PADI2: variants seen among roughly 807,000 people sequenced by gnomAD.
PADI2 encodes protein-arginine deiminase type-2.
Under a neutral mutation model 81.1 loss-of-function variants are expected in PADI2, and 70 were observed. The observed-to-expected ratio is 0.86, with a 90% CI of 0.71 to 1.05. The LOEUF (loss-of-function observed/expected upper bound fraction) is 1.05. PADI2 is among the 50% of genes least tolerant of loss of function. PADI2 has a pLI of 0.00. For synonymous variants in PADI2, 338 were observed against 358.0 expected, an observed-to-expected ratio of 0.94 and a Z score of 0.63; for missense variants, 853 against 889.9, an observed-to-expected ratio of 0.96 and a Z score of 0.53.
chr1:17,076,371 C>A (rs562169860), intron 11 of PADI2, among the ~76,000 whole-genome samples: 1 of 151,990 alleles, frequency 6.6e-6, no homozygotes. Context: ...TGTGCCACCA[C>A]GCCCGGCTAA....
chr1:17,086,376 T>TG, intron 7 of PADI2, 145 bp downstream of exon 7: 1 of 626,274 alleles, frequency 1.6e-6, no homozygotes, highest in South Asian at 2.1e-5. Flanking sequence ...CAGGCTTTGC[T>TG]GGGGGGCATC....
rs372378095 is a variant in PADI2 at position 17,087,488 on chromosome 1, G to GTTTATTTATTTATTTATTTA, written c.656-790_656-789insTAAATAAATAAATAAATAAA. 5.7e-3 allele frequency among the ~76,000 whole-genome samples: 785 copies of GTTTATTTATTTATTTATTTA among 137,128 alleles called. 3 individuals are homozygous for GTTTATTTATTTATTTATTTA. The highest frequency in any genetic ancestry group is 0.02 in the East Asian group (100 of 4,880). The allele number at this position is 137,128 out of a possible 152,430, so 90.0% of individuals were successfully genotyped here. A position where few individuals can be genotyped will look rare whatever the true frequency, so the allele number is the denominator to read the frequency against. ...CATCACAGTCTTTTTATGTTTGTTT[G>GTTTATTTATTTATTTATTTA]TTTGTTTATTTATTTATTTATTTAT... On this transcript the variant is annotated intron_variant, in intron 6 of 15. Transcript: ENST00000375486.
In PADI2 at chr1:17,088,923, A is replaced by AC. The variant is rs1270544395; in HGVS notation, c.656-2225_656-2224insG. On this transcript the variant is annotated intron_variant, in intron 6 of 15. Coordinates refer to ENST00000375486, the MANE Select transcript of PADI2 (RefSeq NM_007365.3). The stretch of plus-strand genomic sequence containing the variant: ...CTCCATCTCAAAAAAAAAAAAAAAA[A>AC]AAAAAAAACCAAGCCTCAGAGAATT... 4.5e-3 allele frequency among the ~76,000 whole-genome samples: 560 copies of AC among 123,582 alleles called. 16 individuals carry two copies. Among genetic ancestry groups the AC allele is most frequent in the East Asian group, 0.036 (100 of 2,764 alleles). The allele number at this position is 123,582 out of a possible 152,430, so 81.1% of individuals were successfully genotyped here. A position where few individuals can be genotyped will look rare whatever the true frequency, so the allele number is the denominator to read the frequency against.
At chr1:17,108,921 G>T (rs972174002) in intron 1 of PADI2, among the ~76,000 whole-genome samples, 1 of 152,216 alleles carries the variant, frequency 6.6e-6, no homozygotes, top group South Asian at 2.1e-4. Context: ...TTCCTCTCCT[G>T]CAAGTCTCAG....
intron 11 of PADI2, among the ~76,000 whole-genome samples, chr1:17,078,696 T>C (rs2078322575): frequency 6.6e-6 from 1 of 151,136 alleles, no homozygotes; most frequent in Admixed American, 6.6e-5. Flanking sequence ...CCTATTTATT[T>C]ATCTATTTAT....
rs780536674 is a variant in PADI2 at position 17,074,900 on chromosome 1, C to T, written c.1505G>A (p.Arg502Gln). 53 of 1,613,222 alleles carry T rather than the reference C, an allele frequency of 3.3e-5. No homozygotes were observed. In the Middle Eastern group the frequency reaches 5.0e-4, roughly 15 times the overall value. The change falls in exon 13 of 16, where the codon CGA (arginine) becomes CAA (glutamine). Residue 502 changes from arginine to glutamine, a missense_variant. Physicochemically the swap from Arg to Gln is conservative, Grantham distance 43 (BLOSUM62 1). Coordinates refer to ENST00000375486, the MANE Select transcript of PADI2 (RefSeq NM_007365.3). ...TCCATGGCCGTCCTTCTGCTTCTCT[C>T]GGAAGAGCTTGTAGCAGGCCGAGGT... Reference protein sequence around the residue: ...ASTSACYKLFREKQKDGHGEA... With the variant: ...ASTSACYKLFQEKQKDGHGEA...
At chr1:17,116,042 A>G (rs904195145) in intron 1 of PADI2, among the ~76,000 whole-genome samples, 2 of 152,206 alleles carry the variant, frequency 1.3e-5, no homozygotes, top group African/African-American at 4.8e-5. Context: ...ATAGTGGTCA[A>G]TTGTTCATCA....
intron 1 of PADI2, among the ~76,000 whole-genome samples, chr1:17,107,722 A>G (rs1467339311): frequency 1.3e-5 from 2 of 152,184 alleles, no homozygotes; most frequent in Non-Finnish European, 2.9e-5. Context: ...CCTGGGCCAC[A>G]GACTTCAGGG....
At chr1:17,080,719 T>A (rs2647191) in intron 10 of PADI2, among the ~76,000 whole-genome samples, 150,049 of 152,312 alleles carry the variant, frequency 0.99, 73,918 homozygotes, top group East Asian at 1. Flanking sequence ...AGCCCGCAAG[T>A]CATAACCCCA....
chr1:17,068,218 C>T lies in PADI2; in HGVS notation c.*826G>A, dbSNP rs952490056. 8.5e-4 allele frequency: 130 copies of T among 152,986 alleles called. 1 individual carries two copies. Among genetic ancestry groups the T allele is most frequent in the Admixed American group, 2.9e-3 (45 of 15,298 alleles). 9.5% of individuals were successfully genotyped at this position (152,986 alleles called of 1,614,324 possible). A position where few individuals can be genotyped will look rare whatever the true frequency, so the allele number is the denominator to read the frequency against. ...CAGTGGAAGGAGGAAGGTCAGGGAGCGGCCAGAGAATCAAGGACCAGGCAA... is the reference window on the plus strand; with the variant it reads ...CAGTGGAAGGAGGAAGGTCAGGGAGTGGCCAGAGAATCAAGGACCAGGCAA... On this transcript the variant is annotated 3_prime_UTR_variant, in exon 16 of 16. Transcript: ENST00000375486.
chr1:17,092,319 G>C (rs866382499), intron 6 of PADI2, 89 bp downstream of exon 6: 1 of 1,095,642 alleles, frequency 9.1e-7, no homozygotes, highest in Middle Eastern at 2.6e-4. Flanking sequence ...TCTTCCCCAG[G>C]CACCTGCACC....
At chr1:17,109,478 T>C (rs1321593753) in intron 1 of PADI2, among the ~76,000 whole-genome samples, 2 of 146,146 alleles carry the variant, frequency 1.4e-5, no homozygotes, top group African/African-American at 5.0e-5. Flanking sequence ...GAGCCACTAC[T>C]ACTACTATTG....
rs532827286 is a variant in PADI2 at position 17,117,643 on chromosome 1, C to T, written c.92+1637G>A. Among the ~76,000 whole-genome samples, 782 of 152,330 alleles carry T rather than the reference C, an allele frequency of 5.1e-3. 5 individuals are homozygous for T. Among genetic ancestry groups the T allele is most frequent in the Non-Finnish European group, 7.7e-3 (527 of 68,026 alleles). The stretch of plus-strand genomic sequence containing the variant: ...GTGCCCCTACCCCAGCTGGGCCTCT[C>T]TTTGCCAGGATAGAGCGATAGCAGG... On this transcript the variant is annotated intron_variant, in intron 1 of 15. Transcript: ENST00000375486.
chr1:17,105,583 G>A (rs1445229897), intron 1 of PADI2, among the ~76,000 whole-genome samples: 1 of 152,088 alleles, frequency 6.6e-6, no homozygotes, highest in Non-Finnish European at 1.5e-5. Context: ...TAGTAGAGAT[G>A]GGGTTTCTCC....
intron 6 of PADI2, among the ~76,000 whole-genome samples, chr1:17,088,603 T>C (rs1930551158): frequency 1.3e-5 from 2 of 152,008 alleles, no homozygotes; most frequent in African/African-American, 4.8e-5. Flanking sequence ...CTTCTCTGGC[T>C]TTACAAGCTA....
intron 10 of PADI2, among the ~76,000 whole-genome samples, chr1:17,081,474 T>C (rs750956503): frequency 1.3e-5 from 2 of 152,186 alleles, no homozygotes; most frequent in Non-Finnish European, 2.9e-5. Flanking sequence ...CTGACACCAT[T>C]GGCTCTAGCA....
At chr1:17,116,404 A>G (rs1181742332) in intron 1 of PADI2, among the ~76,000 whole-genome samples, 1 of 152,186 alleles carries the variant, frequency 6.6e-6, no homozygotes, top group African/African-American at 2.4e-5. Flanking sequence ...AACTGGGCCC[A>G]GCACCCCCGG....
intron 7 of PADI2, 77 bp downstream of exon 7, chr1:17,086,444 T>C: frequency 8.0e-7 from 1 of 1,254,664 alleles, no homozygotes; most frequent in Non-Finnish European, 1.1e-6. Context: ...GAGCATAGCA[T>C]AGGAATGGCC....
intron 10 of PADI2, 36 bp from the exon 11 acceptor site, chr1:17,079,451 C>T: frequency 6.3e-7 from 1 of 1,579,082 alleles, no homozygotes; most frequent in Non-Finnish European, 8.7e-7. Context: ...TAGTCTTCTG[C>T]AGCCAGGGTC....
Sources: gnomAD v4.1 joint callset for allele counts (sites outside exome capture counted in the v4.1 genomes callset) on GRCh38, gnomAD v4.1.1 for gene constraint, MANE v1.5 for transcripts, NCBI Gene and HGNC (gene_info 2026-07-23, HGNC 2026-07-21) for gene names.